GABRB3: variants seen among roughly 807,000 people sequenced by gnomAD.
The protein encoded by GABRB3 is gamma-aminobutyric acid type A receptor subunit beta3, also known as gamma-aminobutyric acid receptor subunit beta-3.
Under a neutral mutation model 52.1 loss-of-function variants are expected in GABRB3, and 14 were observed. That is an observed-to-expected ratio of 0.27 (90% CI 0.18 to 0.42). GABRB3 has a LOEUF of 0.42. Ranked by LOEUF, GABRB3 falls within the 10% of genes least tolerant of loss-of-function variation. GABRB3 has a pLI of 1.00. For synonymous variants in GABRB3, 260 were observed against 232.3 expected (o/e 1.12, Z -1.08); for missense variants, 307 against 609.1 (o/e 0.50, Z 5.22).
chr15:26,699,511 C>T lies in GABRB3; in HGVS notation c.240+72891G>A, dbSNP rs150620537. ...GAATCAAAAAAAAAAAAACTCAAAA[C>T]TTTTTTAAATGTCAGAATTAGCAAA... is the stretch of plus-strand genomic sequence containing the variant. On this transcript the variant is annotated intron_variant, in intron 3 of 8. Coordinates refer to ENST00000311550, the MANE Select transcript of GABRB3 (RefSeq NM_000814.6). Among the ~76,000 whole-genome samples, 1,366 of 150,112 alleles carry T rather than the reference C, an allele frequency of 9.1e-3. 16 individuals are homozygous for T. Among genetic ancestry groups the T allele is most frequent in the African/African-American group, 0.032 (1,295 of 41,032 alleles).
intron 8 of GABRB3, among the ~76,000 whole-genome samples, chr15:26,552,009 T>C (rs1037080013): frequency 2.1e-5 from 3 of 140,472 alleles, no homozygotes; most frequent in Admixed American, 7.1e-5. Context: ...AAATTTTGAC[T>C]TTTTTTTTTT....
In GABRB3 at chr15:26,544,462, T is replaced by C. The variant is rs1036313252; in HGVS notation, c.*3331A>G. On this transcript the variant is annotated 3_prime_UTR_variant, in exon 9 of 9. Coordinates refer to ENST00000311550, the MANE Select transcript of GABRB3 (RefSeq NM_000814.6). ...CTGGGTGCTGGCGTTAAAAACACAA[T>C]ATTGCAGATGTACAGGTAGCTTCCA... 6 of 152,368 alleles carry C rather than the reference T, an allele frequency of 3.9e-5. No homozygotes were observed. Among genetic ancestry groups the C allele is most frequent in the Admixed American group, 1.3e-4 (2 of 15,266 alleles). The allele number at this position is 152,368 out of a possible 1,614,324, so 9.4% of individuals were successfully genotyped here. A position where few individuals can be genotyped will look rare whatever the true frequency, so the allele number is the denominator to read the frequency against.
chr15:26,749,913 C>T (rs966568028), intron 3 of GABRB3: 1 of 152,114 alleles, frequency 6.6e-6, no homozygotes, highest in South Asian at 2.1e-4. Flanking sequence ...AGGCAAGCTG[C>T]CTTTCTCTTT....
intron 5 of GABRB3, chr15:26,581,254 G>C (rs1338877777): frequency 6.5e-6 from 1 of 152,876 alleles, no homozygotes; most frequent in East Asian, 1.9e-4. Flanking sequence ...ATTTAAAGCA[G>C]AGATTGCGAG....
chr15:26,682,384 G>A (rs573793179), intron 3 of GABRB3, among the ~76,000 whole-genome samples: 2 of 152,276 alleles, frequency 1.3e-5, no homozygotes, highest in South Asian at 4.1e-4. Context: ...TGCTGGCACA[G>A]AGCACATAAA....
chr15:26,653,605 C>G (rs182115073), intron 3 of GABRB3, among the ~76,000 whole-genome samples: 1 of 152,166 alleles, frequency 6.6e-6, no homozygotes, highest in Non-Finnish European at 1.5e-5. Context: ...TTTTAGCTGG[C>G]TCTGCATGAG....
intron 8 of GABRB3, among the ~76,000 whole-genome samples, chr15:26,556,630 C>T (rs1300915118): frequency 1.3e-5 from 2 of 152,294 alleles, no homozygotes; most frequent in Non-Finnish European, 2.9e-5. Flanking sequence ...AAGGTCAAGG[C>T]TTACATGGTA....
intron 3 of GABRB3, among the ~76,000 whole-genome samples, chr15:26,640,234 T>C (rs187365137): frequency 5.9e-5 from 9 of 152,182 alleles, no homozygotes; most frequent in Non-Finnish European, 7.4e-5. Context: ...TATCAAAACG[T>C]TGGCCGGGCG....
At chr15:26,647,388 C>G (rs1887045712) in intron 3 of GABRB3, among the ~76,000 whole-genome samples, 2 of 152,196 alleles carry the variant, frequency 1.3e-5, no homozygotes, top group African/African-American at 2.4e-5. Context: ...CCTTTCATCA[C>G]TTGGGCTTTT....
At chr15:26,641,954 A>G (rs1893213316) in intron 3 of GABRB3, among the ~76,000 whole-genome samples, 1 of 151,512 alleles carries the variant, frequency 6.6e-6, no homozygotes, top group African/African-American at 2.4e-5. Context: ...CAGTGACTCG[A>G]TCATAGCTCA....
rs1021971698 is a variant in GABRB3, at chr15:26,698,751, G to A, written c.240+73651C>T. 5.2e-4 allele frequency among the ~76,000 whole-genome samples: 79 copies of A among 152,168 alleles called. 1 individual carries two copies. The highest frequency in any genetic ancestry group is 1.7e-3 in the African/African-American group (71 of 41,520). ...CCCCTGTCGCTCCCCAAAGGCTCCC[G>A]CCTGGCTTGTGTTCACAGATGCATG... On this transcript the variant is annotated intron_variant, in intron 3 of 8. Transcript: ENST00000311550.
At chr15:26,651,722 T>C (rs1466518095) in intron 3 of GABRB3, among the ~76,000 whole-genome samples, 1 of 152,184 alleles carries the variant, frequency 6.6e-6, no homozygotes, top group Non-Finnish European at 1.5e-5. Context: ...TTTGATGGGC[T>C]TTTTTCTTAA....
intron 4 of GABRB3, among the ~76,000 whole-genome samples, chr15:26,586,298 A>T (rs1337317380): frequency 1.3e-5 from 2 of 151,392 alleles, no homozygotes; most frequent in Non-Finnish European, 2.9e-5. Flanking sequence ...CGCCTGGCTT[A>T]ATTTTCTTAT....
chr15:26,624,542 A>C (rs1892613504), intron 3 of GABRB3: 3 of 985,344 alleles, frequency 3.0e-6, no homozygotes, highest in Non-Finnish European at 3.6e-6. Flanking sequence ...CTTATTTTGG[A>C]CTGTGTCGCT....
At chr15:26,707,333 G>A (rs1006095092) in intron 3 of GABRB3, among the ~76,000 whole-genome samples, 2 of 152,166 alleles carry the variant, frequency 1.3e-5, no homozygotes, top group Non-Finnish European at 1.5e-5. Context: ...CAAGACCAGC[G>A]GCAGAGGAAC....
chr15:26,718,604 GT>G (rs773697909), intron 3 of GABRB3, among the ~76,000 whole-genome samples: 16 of 151,310 alleles, frequency 1.1e-4, no homozygotes, highest in Non-Finnish European at 1.5e-4. Context: ...TGCTCAATGT[GT>G]TTTTTTTTCT....
intron 6 of GABRB3, among the ~76,000 whole-genome samples, chr15:26,576,732 CAG>C (rs2140721673): frequency 6.6e-6 from 1 of 152,240 alleles, no homozygotes; most frequent in Non-Finnish European, 1.5e-5. Flanking sequence ...ATCCAAGACT[CAG>C]GGGACTAAGG....
intron 3 of GABRB3, among the ~76,000 whole-genome samples, chr15:26,623,467 A>G (rs554193484): frequency 6.6e-6 from 1 of 152,312 alleles, no homozygotes; most frequent in Non-Finnish European, 1.5e-5. Flanking sequence ...AGAGACGGCT[A>G]GCAACTCTCC....
chr15:26,717,640 T>C (rs1165403008), intron 3 of GABRB3, among the ~76,000 whole-genome samples: 1 of 152,130 alleles, frequency 6.6e-6, no homozygotes, highest in East Asian at 1.9e-4. Flanking sequence ...GGATGGAATC[T>C]CTCTCTCCCC....
Sources: gnomAD v4.1 joint callset for allele counts (sites outside exome capture counted in the v4.1 genomes callset) on GRCh38, gnomAD v4.1.1 for gene constraint, MANE v1.5 for transcripts, NCBI Gene and HGNC (gene_info 2026-07-23, HGNC 2026-07-21) for gene names.